The following GOLPH3 variants were observed in gnomAD, a reference collection of about 807,000 sequenced individuals.
GOLPH3 encodes the protein golgi phosphoprotein 3, also known as coat protein GPP34.
A neutral mutation model predicts 28.5 loss-of-function variants in GOLPH3; 14 were observed. The observed-to-expected ratio is 0.49, with a 90% confidence interval of 0.32 to 0.77. The LOEUF (loss-of-function observed/expected upper bound fraction) is 0.77, where lower values mean the gene tolerates loss of function less well. Ranked by LOEUF, GOLPH3 falls within the 30% of genes least tolerant of loss-of-function variation. The pLI, the probability that GOLPH3 is intolerant of heterozygous loss-of-function variation, is 0.03. For missense variants in GOLPH3, 350 were observed against 393.7 expected (o/e 0.89, Z 0.94); for synonymous variants, 158 against 159.2 (o/e 0.99, Z 0.06).
intron 1 of GOLPH3, among the ~76,000 whole-genome samples, chr5:32,156,933 A>C (rs1055824706): frequency 1.3e-5 from 2 of 152,242 alleles, no homozygotes; most frequent in African/African-American, 2.4e-5. Context: ...AAATAAACTA[A>C]GACAGATAAC....
chr5:32,153,238 T>C (rs1470225474), intron 1 of GOLPH3, among the ~76,000 whole-genome samples: 1 of 152,162 alleles, frequency 6.6e-6, no homozygotes, highest in African/African-American at 2.4e-5. Flanking sequence ...TCCATTACCT[T>C]GTATATGAAG....
chr5:32,138,850 T>C (rs902073897), intron 2 of GOLPH3, among the ~76,000 whole-genome samples: 5 of 152,222 alleles, frequency 3.3e-5, no homozygotes, highest in Non-Finnish European at 5.9e-5. Context: ...AACAGTGCTA[T>C]TCTAGACCAT....
intron 1 of GOLPH3, among the ~76,000 whole-genome samples, chr5:32,164,464 G>A (rs1179486988): frequency 1.3e-5 from 2 of 151,970 alleles, no homozygotes; most frequent in Admixed American, 6.6e-5. Context: ...CGCGATATGG[G>A]CTCACTGCAA....
chr5:32,144,766 A>C (rs2098047749), intron 1 of GOLPH3, among the ~76,000 whole-genome samples: 1 of 152,194 alleles, frequency 6.6e-6, no homozygotes, highest in South Asian at 2.1e-4. Flanking sequence ...AGACATAAGG[A>C]GGTTGATAGA....
At chr5:32,160,552 TCC>T (rs1367331076) in intron 1 of GOLPH3, among the ~76,000 whole-genome samples, 2 of 152,188 alleles carry the variant, frequency 1.3e-5, no homozygotes, top group African/African-American at 4.8e-5. Context: ...TAAAATGGTG[TCC>T]CCTCACTCAT....
rs1011394929 is a variant in GOLPH3, at chr5:32,174,243, G to A, written c.-209C>T. 9 of 367,448 alleles carry A rather than the reference G, an allele frequency of 2.4e-5. No individual in the cohort carries two copies. The highest frequency in any genetic ancestry group is 3.9e-5 in the Non-Finnish European group (8 of 206,978). 22.8% of individuals were successfully genotyped at this position (367,448 alleles called of 1,614,324 possible). A position where few individuals can be genotyped will look rare whatever the true frequency, so the allele number is the denominator to read the frequency against. On this transcript the variant is annotated 5_prime_UTR_variant, in exon 1 of 4. Coordinates refer to ENST00000265070, the MANE Select transcript of GOLPH3 (RefSeq NM_022130.4). The stretch of plus-strand genomic sequence containing the variant: ...GGCGTCGGCGGGGCAGGAGAGGAGC[G>A]CCTTCCTGCCTGTGGCCGCAGTCCC...
chr5:32,129,958 C>CA lies in GOLPH3; in HGVS notation c.473-3323dup, dbSNP rs540099487. On this transcript the variant is annotated intron_variant, in intron 3 of 3. Transcript: ENST00000265070. ...CTGGGTTCACGTCATTCTCCTGCCT[C>CA]ACCCTCCCAAGTAGCTGGGACTACA... is the stretch of plus-strand genomic sequence containing the variant. Among the ~76,000 whole-genome samples the CA allele has an allele frequency of 3.7e-3, 569 of 152,218 alleles. 2 individuals are homozygous for CA. The highest frequency in any genetic ancestry group is 6.5e-3 in the Non-Finnish European group (445 of 68,024).
intron 1 of GOLPH3, among the ~76,000 whole-genome samples, chr5:32,153,386 T>C (rs2452861): frequency 0.071 from 10,521 of 148,476 alleles, 1,247 homozygotes; most frequent in African/African-American, 0.25. Flanking sequence ...CTTTTGAATA[T>C]AACTTGCAAT....
chr5:32,149,453 T>C (rs1387786990), intron 1 of GOLPH3, among the ~76,000 whole-genome samples: 1 of 152,208 alleles, frequency 6.6e-6, no homozygotes, highest in Non-Finnish European at 1.5e-5. Flanking sequence ...GTTGTACAAA[T>C]CTGAAAACCT....
intron 1 of GOLPH3, among the ~76,000 whole-genome samples, chr5:32,148,591 A>T (rs74642002): frequency 6.6e-6 from 1 of 152,264 alleles, no homozygotes; most frequent in African/African-American, 2.4e-5. Context: ...ATGTCAGGAG[A>T]TCGAGACCAT....
intron 1 of GOLPH3, among the ~76,000 whole-genome samples, chr5:32,148,703 AG>A (rs1746233357): frequency 7.0e-6 from 1 of 143,002 alleles, no homozygotes; most frequent in Non-Finnish European, 1.5e-5. Flanking sequence ...AGGCTGAGGC[AG>A]GAGAATAACG....
At position 32,158,031 on chromosome 5, in the gene GOLPH3, C is replaced by A. The variant is rs1284447936; in HGVS notation, c.226-14151G>T. On this transcript the variant is annotated intron_variant, in intron 1 of 3. Coordinates refer to ENST00000265070, the MANE Select transcript of GOLPH3 (RefSeq NM_022130.4). The stretch of plus-strand genomic sequence containing the variant: ...TAAATAAATAAATAAAATACACACA[C>A]ACACACACACACACACACACACACA... Among the ~76,000 whole-genome samples the A allele has an allele frequency of 9.0e-5, 11 of 122,498 alleles. 1 individual carries two copies. Among genetic ancestry groups the A allele is most frequent in the African/African-American group, 2.9e-4 (8 of 27,184 alleles). The allele number at this position is 122,498 out of a possible 152,430, so 80.4% of individuals were successfully genotyped here.
At chr5:32,150,202 C>T (rs1011981695) in intron 1 of GOLPH3, among the ~76,000 whole-genome samples, 1 of 151,604 alleles carries the variant, frequency 6.6e-6, no homozygotes, top group Non-Finnish European at 1.5e-5. Context: ...ACAACAGCAA[C>T]AAAAAGAACA....
At chr5:32,163,206 T>C (rs774198136) in intron 1 of GOLPH3, among the ~76,000 whole-genome samples, 4 of 152,228 alleles carry the variant, frequency 2.6e-5, no homozygotes, top group Admixed American at 1.3e-4. Flanking sequence ...ACAGCAGTCT[T>C]GCAGGTCCTG....
intron 1 of GOLPH3, among the ~76,000 whole-genome samples, chr5:32,158,018 TAAAATACACACACACAC>T: frequency 3.7e-5 from 1 of 26,978 alleles, no homozygotes; most frequent in African/African-American, 1.4e-4. Flanking sequence ...AATAAATAAA[TAAAATACACACACACAC>T]ACACACACAC....
intron 1 of GOLPH3, among the ~76,000 whole-genome samples, chr5:32,171,927 C>A (rs148613323): frequency 2.7e-5 from 4 of 150,794 alleles, no homozygotes; most frequent in Non-Finnish European, 5.9e-5. Flanking sequence ...CAGGCCTGGG[C>A]GACAGAGCGA....
At chr5:32,167,584 AT>A (rs1293504865) in intron 1 of GOLPH3, among the ~76,000 whole-genome samples, 1 of 152,210 alleles carries the variant, frequency 6.6e-6, no homozygotes, top group Non-Finnish European at 1.5e-5. Flanking sequence ...GTTAGTGAAT[AT>A]TTTGACCATA....
At chr5:32,127,888 G>A (rs1028473470) in intron 3 of GOLPH3, among the ~76,000 whole-genome samples, 2 of 152,120 alleles carry the variant, frequency 1.3e-5, no homozygotes, top group Non-Finnish European at 2.9e-5. Context: ...CTTGAGTGCA[G>A]CCTATGTGAG....
rs202161839 is a variant in GOLPH3, at chr5:32,153,419, GA to G, written c.226-9540del. Among the ~76,000 whole-genome samples the G allele has an allele frequency of 6.7e-3, 692 of 103,266 alleles. 1 individual carries two copies. Among genetic ancestry groups the G allele is most frequent in the East Asian group, 0.022 (76 of 3,416 alleles). 67.7% of individuals were successfully genotyped at this position (103,266 alleles called of 152,430 possible). ...AATATAATTATATGCACTGAAAACA[GA>G]AAAAAAAAAAAAACTCCTGAAGAAT... On this transcript the variant is annotated intron_variant, in intron 1 of 3. Transcript: ENST00000265070.
Sources: gnomAD v4.1 joint callset for allele counts (sites outside exome capture counted in the v4.1 genomes callset) on GRCh38, gnomAD v4.1.1 for gene constraint, MANE v1.5 for transcripts, NCBI Gene and HGNC (gene_info 2026-07-23, HGNC 2026-07-21) for gene names.